The following CPA6 variants were observed in gnomAD, a reference collection of about 807,000 sequenced individuals.
CPA6 encodes carboxypeptidase B.
A neutral mutation model predicts 63.3 loss-of-function variants in CPA6; 58 were observed. The observed-to-expected ratio is 0.92, with a 90% CI of 0.74 to 1.14. The LOEUF (loss-of-function observed/expected upper bound fraction) is 1.14. Ranked by LOEUF, CPA6 falls within the 50% of genes most tolerant of loss-of-function variation. CPA6 has a pLI of 0.00. For synonymous variants in CPA6, 185 were observed against 179.0 expected (o/e 1.03, Z -0.27); for missense variants, 565 against 526.6 (o/e 1.07, Z -0.71).
At chr8:67,653,950 A>C (rs1234514604) in intron 1 of CPA6, among the ~76,000 whole-genome samples, 4 of 151,274 alleles carry the variant, frequency 2.6e-5, no homozygotes, top group African/African-American at 9.7e-5. Context: ...TTTTAGCATG[A>C]AGCGTTGTTG....
At chr8:67,631,324 C>T (rs1284655148) in intron 1 of CPA6, among the ~76,000 whole-genome samples, 2 of 152,168 alleles carry the variant, frequency 1.3e-5, no homozygotes, top group African/African-American at 4.8e-5. Flanking sequence ...ACTTGGAGGA[C>T]TTTTATGTCT....
chr8:67,612,932 C>T (rs1814848777), intron 2 of CPA6, among the ~76,000 whole-genome samples: 1 of 152,194 alleles, frequency 6.6e-6, no homozygotes, highest in South Asian at 2.1e-4. Context: ...AGGCAGAGCA[C>T]CTGAGCTCTG....
chr8:67,423,322 T>A (rs1362430784), intron 10 of CPA6, among the ~76,000 whole-genome samples: 1 of 152,238 alleles, frequency 6.6e-6, no homozygotes, highest in East Asian at 1.9e-4. Context: ...TGGGCTCAAC[T>A]GATCCTCCCG....
chr8:67,435,848 G>A (rs560394883), intron 8 of CPA6, among the ~76,000 whole-genome samples: 1 of 151,570 alleles, frequency 6.6e-6, no homozygotes, highest in South Asian at 2.1e-4. Context: ...ATATTGGAGA[G>A]TCACTGGGGG....
chr8:67,684,818 GTCT>G (rs771601920), intron 1 of CPA6, among the ~76,000 whole-genome samples: 92 of 152,264 alleles, frequency 6.0e-4, no homozygotes, highest in Non-Finnish European at 1.2e-3. Flanking sequence ...CATCCGATCA[GTCT>G]TCTTATTCTC....
Position 67,479,096 on chromosome 8 carries a change from G to A in CPA6, c.838+4672C>T, listed in dbSNP as rs150278239. On this transcript the variant is annotated intron_variant, in intron 8 of 10. Transcript: ENST00000297770. The stretch of plus-strand genomic sequence containing the variant: ...GCATGCTAATTATTTTCAATTAATG[G>A]CCTTTGAAGAACAGCAGATCCTGGA... Among the ~76,000 whole-genome samples the A allele has an allele frequency of 5.9e-5, 9 of 152,252 alleles. No individual in the cohort carries two copies. In the East Asian group the frequency reaches 1.7e-3, roughly 29 times the overall value.
chr8:67,544,885 G>T (rs1812780842), intron 2 of CPA6, among the ~76,000 whole-genome samples: 1 of 152,076 alleles, frequency 6.6e-6, no homozygotes, highest in Admixed American at 6.6e-5. Flanking sequence ...GGAGTCTTCT[G>T]CCCTTTTTCA....
chr8:67,522,640 T>A (rs919342904), intron 2 of CPA6, among the ~76,000 whole-genome samples: 1 of 152,220 alleles, frequency 6.6e-6, no homozygotes, highest in African/African-American at 2.4e-5. Flanking sequence ...GCTGTAACAC[T>A]TCTTGGGGGC....
intron 1 of CPA6, among the ~76,000 whole-genome samples, chr8:67,734,345 G>GAA (rs566419853): frequency 2.8e-4 from 27 of 97,942 alleles, no homozygotes; most frequent in African/African-American, 8.5e-4. Flanking sequence ...GGGCCCCATG[G>GAA]AAAAAAAAAA....
At chr8:67,482,696 A>G (rs1811385105) in intron 8 of CPA6, among the ~76,000 whole-genome samples, 1 of 152,214 alleles carries the variant, frequency 6.6e-6, no homozygotes, top group African/African-American at 2.4e-5. Flanking sequence ...TTTCACATAT[A>G]TAAATTCCTT....
At chr8:67,714,949 C>G (rs1178791083) in intron 1 of CPA6, among the ~76,000 whole-genome samples, 2 of 152,088 alleles carry the variant, frequency 1.3e-5, no homozygotes, top group African/African-American at 4.8e-5. Context: ...CTAAAAGAAA[C>G]AAGGAGCTAT....
chr8:67,468,999 G>A (rs1810994920), intron 8 of CPA6, among the ~76,000 whole-genome samples: 1 of 152,062 alleles, frequency 6.6e-6, no homozygotes, highest in Non-Finnish European at 1.5e-5. Context: ...AGTCTACCCT[G>A]GTGTCAAATA....
rs112819246 is a variant in CPA6 at position 67,531,846 on chromosome 8, T to C, written c.193-13799A>G. On this transcript the variant is annotated intron_variant, in intron 2 of 10. Coordinates refer to ENST00000297770, the MANE Select transcript of CPA6 (RefSeq NM_020361.5). ...ACAAGCTTCAACAAATGTCAGAGAA[T>C]TGATGTCAAATGATCTCTGATTACA... Among the ~76,000 whole-genome samples, 31 of 152,286 alleles carry C rather than the reference T, an allele frequency of 2.0e-4. 1 individual carries two copies. The highest frequency in any genetic ancestry group is 3.4e-4 in the African/African-American group (14 of 41,578).
chr8:67,536,343 C>T (rs1812584969), intron 2 of CPA6, among the ~76,000 whole-genome samples: 1 of 152,120 alleles, frequency 6.6e-6, no homozygotes, highest in African/African-American at 2.4e-5. Context: ...GAATCTTTTT[C>T]CATTTGTTTG....
intron 2 of CPA6, among the ~76,000 whole-genome samples, chr8:67,585,671 G>C (rs550991656): frequency 6.6e-6 from 1 of 152,242 alleles, no homozygotes; most frequent in Non-Finnish European, 1.5e-5. Flanking sequence ...AAGTATTAAT[G>C]TGTTTTTCTC....
At chr8:67,430,171 G>GTGTGTGTATA (rs1225024769) in intron 9 of CPA6, among the ~76,000 whole-genome samples, 10 of 104,854 alleles carry the variant, frequency 9.5e-5, no homozygotes, top group African/African-American at 3.6e-4. Flanking sequence ...GTGTGTGTGT[G>GTGTGTGTATA]TATATATTTT....
At chr8:67,590,891 T>C (rs1198803620) in intron 2 of CPA6, among the ~76,000 whole-genome samples, 1 of 152,138 alleles carries the variant, frequency 6.6e-6, no homozygotes, top group East Asian at 1.9e-4. Context: ...TTAGTTTAAT[T>C]AGATCCCATT....
intron 8 of CPA6, among the ~76,000 whole-genome samples, chr8:67,435,907 C>G (rs1362536019): frequency 6.6e-6 from 1 of 151,624 alleles, no homozygotes; most frequent in African/African-American, 2.4e-5. Context: ...CCCCTGACCC[C>G]ACATGGTCTC....
At chr8:67,649,930 T>C (rs549473797) in intron 1 of CPA6, among the ~76,000 whole-genome samples, 2 of 152,226 alleles carry the variant, frequency 1.3e-5, no homozygotes, top group East Asian at 3.9e-4. Flanking sequence ...ACGACACCAG[T>C]TGAAGGGAAA....
Sources: allele counts gnomAD v4.1 joint callset (sites outside exome capture counted in the v4.1 genomes callset), GRCh38; gene constraint gnomAD v4.1.1; transcripts MANE v1.5; gene names NCBI Gene and HGNC (gene_info 2026-07-23, HGNC 2026-07-21).